KATNAL2: variants seen among roughly 807,000 people sequenced by gnomAD.
KATNAL2 encodes the protein katanin catalytic subunit A1 like 2.
In KATNAL2, 52 loss-of-function variants were observed where a neutral mutation model predicts 76.3. The ratio of observed to expected loss-of-function variants is 0.68; its 90% CI spans 0.55 to 0.86. The LOEUF is 0.86. KATNAL2 is among the 40% of genes least tolerant of loss of function. The pLI, the probability that KATNAL2 is intolerant of heterozygous loss-of-function variation, is 0.00. For synonymous variants in KATNAL2, 243 were observed against 244.2 expected, an observed-to-expected ratio of 1.00 and a Z score of 0.05; for missense variants, 660 against 668.9, an observed-to-expected ratio of 0.99 and a Z score of 0.15.
Position 47,071,209 on chromosome 18 carries a change from C to T in KATNAL2, c.1008+1609C>T, listed in dbSNP as rs571232170. The stretch of plus-strand genomic sequence containing the variant: ...GAAACCAGGTTTCACCATGTTGCCC[C>T]GGCTCCTCTTGAACTCTTGGGCTCA... On this transcript the variant is annotated intron_variant, in intron 13 of 17. Coordinates refer to ENST00000683218, the MANE Select transcript of KATNAL2 (RefSeq NM_001387690.1). Among the ~76,000 whole-genome samples, 30 of 152,190 alleles carry T rather than the reference C, an allele frequency of 2.0e-4. No individual in the cohort carries two copies. The East Asian group carries it at 4.2e-3, about 22-fold the overall frequency.
chr18:47,072,039 C>T (rs569844437), intron 13 of KATNAL2, among the ~76,000 whole-genome samples: 41 of 118,254 alleles, frequency 3.5e-4, no homozygotes, highest in African/African-American at 1.2e-3. Flanking sequence ...GGTGCATTCT[C>T]GGCTAACTGC....
At chr18:46,920,920 C>T (rs1265338645) in intron 1 of KATNAL2, among the ~76,000 whole-genome samples, 1 of 152,184 alleles carries the variant, frequency 6.6e-6, no homozygotes, top group Non-Finnish European at 1.5e-5. Flanking sequence ...CAGCCACATG[C>T]TGAACTCTTC....
chr18:47,097,964 T>C (rs1280778430), intron 15 of KATNAL2, among the ~76,000 whole-genome samples: 1 of 152,184 alleles, frequency 6.6e-6, no homozygotes, highest in Non-Finnish European at 1.5e-5. Flanking sequence ...GGTGTCATAA[T>C]GATATTGTGG....
chr18:46,926,428 G>C (rs1406483755), intron 1 of KATNAL2, among the ~76,000 whole-genome samples: 2 of 152,150 alleles, frequency 1.3e-5, no homozygotes, highest in Non-Finnish European at 2.9e-5. Context: ...GTTCTAGTTT[G>C]ATTGCACTGT....
chr18:47,073,584 C>T (rs2062082489), intron 13 of KATNAL2, among the ~76,000 whole-genome samples: 1 of 152,156 alleles, frequency 6.6e-6, no homozygotes, highest in African/African-American at 2.4e-5. Flanking sequence ...CTTTTTCTAC[C>T]ATTTGTTTCT....
chr18:46,947,682 C>G (rs530480008), intron 3 of KATNAL2, among the ~76,000 whole-genome samples: 2 of 152,252 alleles, frequency 1.3e-5, no homozygotes, highest in African/African-American at 4.8e-5. Context: ...TTCTATGCAT[C>G]AGTATTTTTA....
At chr18:47,096,721 T>A (rs2063256131) in intron 15 of KATNAL2, among the ~76,000 whole-genome samples, 1 of 152,194 alleles carries the variant, frequency 6.6e-6, no homozygotes. Context: ...ACACTCAAGA[T>A]GATCTATTGA....
chr18:47,035,561 G>C (rs2060735107), intron 3 of KATNAL2: 1 of 608,468 alleles, frequency 1.6e-6, no homozygotes, highest in Non-Finnish European at 2.9e-6. Context: ...TCTGGTGCCA[G>C]AGCTGGGCCT....
chr18:46,950,349 G>A (rs944572904), intron 3 of KATNAL2, among the ~76,000 whole-genome samples: 3 of 152,160 alleles, frequency 2.0e-5, no homozygotes, highest in African/African-American at 7.2e-5. Context: ...GGAGAAGCTG[G>A]AGGAGGGGAT....
At chr18:47,093,332 T>C (rs2147380300) in intron 15 of KATNAL2, among the ~76,000 whole-genome samples, 1 of 152,278 alleles carries the variant, frequency 6.6e-6, no homozygotes, top group Admixed American at 6.5e-5. Context: ...TACAGAAAAT[T>C]ATTTCCTAGA....
intron 2 of KATNAL2, 44 bp from the exon 3 acceptor site, chr18:46,946,810 C>A: frequency 2.0e-6 from 3 of 1,492,630 alleles, no homozygotes; most frequent in Middle Eastern, 2.2e-4. Context: ...TTCCTTGGAT[C>A]GACCGGTCAG....
chr18:46,954,902 C>T (rs2059678652), intron 3 of KATNAL2, among the ~76,000 whole-genome samples: 1 of 152,150 alleles, frequency 6.6e-6, no homozygotes, highest in Non-Finnish European at 1.5e-5. Context: ...ATCCACCTGC[C>T]TCGGCCTCCC....
At chr18:47,044,144 GGAA>G (rs1352131350) in intron 3 of KATNAL2, among the ~76,000 whole-genome samples, 2 of 152,026 alleles carry the variant, frequency 1.3e-5, no homozygotes, top group East Asian at 1.9e-4. Context: ...GGGCCACAGT[GGAA>G]GAAGAATTCC....
At chr18:47,092,158 G>T (rs368769307) in intron 15 of KATNAL2, among the ~76,000 whole-genome samples, 1 of 152,142 alleles carries the variant, frequency 6.6e-6, no homozygotes, top group Admixed American at 6.5e-5. Context: ...ACTGCTGAAC[G>T]GCACTGAATT....
chr18:47,100,282 T>C lies in KATNAL2; in HGVS notation c.1403T>C (p.Ile468Thr). 6.2e-7 allele frequency: 1 copy of C among 1,614,116 alleles called. No individual in the cohort carries two copies. Among genetic ancestry groups the C allele is most frequent in the Non-Finnish European group, 8.5e-7 (1 of 1,179,964 alleles). The change falls in exon 17 of 18, where the codon ATT (isoleucine) becomes ACT (threonine). Residue 468 changes from isoleucine (I) to threonine (T), a missense_variant. Transcript: ENST00000683218. ...ACTGAGGGCTACTCAGGCTCAGATA[T>C]TAAGCTCGTCTGCAGGGAAGCAGCC... Reference protein sequence around the residue: ...QETEGYSGSDIKLVCREAAMR... With the variant: ...QETEGYSGSDTKLVCREAAMR...
chr18:47,031,671 T>C (rs2060457377), intron 3 of KATNAL2, among the ~76,000 whole-genome samples: 2 of 152,172 alleles, frequency 1.3e-5, no homozygotes, highest in Non-Finnish European at 2.9e-5. Flanking sequence ...AGAGATGGGA[T>C]CTTTTTCATA....
chr18:47,040,365 T>A (rs1170897668), intron 3 of KATNAL2, among the ~76,000 whole-genome samples: 1 of 152,222 alleles, frequency 6.6e-6, no homozygotes, highest in Non-Finnish European at 1.5e-5. Flanking sequence ...ATGGATTTTA[T>A]GAAATGATAT....
rs752831670 is a variant in KATNAL2, at chr18:47,099,318, G to C, written c.1287G>C (p.Gln429His). The C allele has an allele frequency of 1.2e-6, 2 of 1,614,200 alleles. No individual in the cohort carries two copies. ...LVDLPSREARQAMIYHWLPPV... is the reference protein window; with the variant it reads ...LVDLPSREARHAMIYHWLPPV... The stretch of plus-strand genomic sequence containing the variant: ...ATCTCCCCAGCCGGGAGGCCAGGCA[G>C]GCCATGATCTACCACTGGCTGCCTC... The change falls in exon 16 of 18, where the codon CAG (glutamine) becomes CAC (histidine). Residue 429 changes from glutamine to histidine, a missense_variant. Gln to His is a conservative substitution (Grantham distance 24). Coordinates refer to ENST00000683218, the MANE Select transcript of KATNAL2 (RefSeq NM_001387690.1).
chr18:47,100,431 C>T (rs752783814), intron 17 of KATNAL2, 75 bp downstream of exon 17: 25 of 1,245,200 alleles, frequency 2.0e-5, no homozygotes, highest in South Asian at 1.9e-4. Context: ...TGGAGCCTGG[C>T]GCCTGTTCTT....
Sources: gnomAD v4.1 joint callset for allele counts (sites outside exome capture counted in the v4.1 genomes callset) on GRCh38, gnomAD v4.1.1 for gene constraint, MANE v1.5 for transcripts, NCBI Gene and HGNC (gene_info 2026-07-23, HGNC 2026-07-21) for gene names.